HPSE2: variants seen among roughly 807,000 people sequenced by gnomAD.
HPSE2 encodes inactive heparanase-2.
A neutral mutation model predicts 60.5 loss-of-function variants in HPSE2; 38 were observed. The ratio of observed to expected loss-of-function variants is 0.63; its 90% CI spans 0.48 to 0.82. The LOEUF (loss-of-function observed/expected upper bound fraction) is 0.82. Among genes scored for constraint, HPSE2 ranks in the 40% least tolerant of loss-of-function variants. HPSE2 has a pLI of 0.00. For synonymous variants in HPSE2, 295 were observed against 293.2 expected (o/e 1.01, Z -0.06); for missense variants, 713 against 740.4 (o/e 0.96, Z 0.43).
At chr10:98,625,296 T>C (rs189100313) in intron 7 of HPSE2, among the ~76,000 whole-genome samples, 112 of 152,298 alleles carry the variant, frequency 7.4e-4, no homozygotes, top group Non-Finnish European at 1.3e-3. Context: ...TATTACAACA[T>C]GAAAGATCTA....
chr10:99,284,850 A>C, the HPSE2 span, among the ~76,000 whole-genome samples: 2 of 152,226 alleles, frequency 1.3e-5, no homozygotes, highest in Admixed American at 6.5e-5. Flanking sequence ...CTGGATAAAG[A>C]AAATGTGATA....
chr10:98,557,262 G>A (rs1358405958), intron 9 of HPSE2, among the ~76,000 whole-genome samples: 1 of 152,052 alleles, frequency 6.6e-6, no homozygotes, highest in Non-Finnish European at 1.5e-5. Context: ...CGAGGTTTTG[G>A]TGCAAGAATA....
chr10:98,976,334 A>C (rs1337720318), intron 3 of HPSE2, among the ~76,000 whole-genome samples: 1 of 152,188 alleles, frequency 6.6e-6, no homozygotes, highest in East Asian at 1.9e-4. Context: ...TATTGTTCTA[A>C]ATGTTTTACA....
chr10:98,740,091 T>A (rs770393113), intron 4 of HPSE2, among the ~76,000 whole-genome samples: 1 of 152,110 alleles, frequency 6.6e-6, no homozygotes, highest in African/African-American at 2.4e-5. Context: ...TAGGGAAATA[T>A]GTTATATCCA....
chr10:99,081,980 G>T (rs1843160788), intron 3 of HPSE2, among the ~76,000 whole-genome samples: 1 of 152,122 alleles, frequency 6.6e-6, no homozygotes. Context: ...TTTTCAGACA[G>T]CTTTATTGCA....
At chr10:98,883,658 G>A (rs1192865524) in intron 3 of HPSE2, among the ~76,000 whole-genome samples, 3 of 152,024 alleles carry the variant, frequency 2.0e-5, no homozygotes, top group South Asian at 4.2e-4. Context: ...AAATAAATTA[G>A]CCAGGCATAA....
At chr10:98,805,753 ATTG>A (rs1354620122) in intron 3 of HPSE2, among the ~76,000 whole-genome samples, 1 of 152,168 alleles carries the variant, frequency 6.6e-6, no homozygotes, top group Admixed American at 6.5e-5. Flanking sequence ...GCGGAAAGAA[ATTG>A]TTGATCATTT....
chr10:98,922,014 C>A (rs755274948), intron 3 of HPSE2, among the ~76,000 whole-genome samples: 10 of 152,026 alleles, frequency 6.6e-5, no homozygotes, highest in Non-Finnish European at 1.5e-4. Flanking sequence ...GTCACAAATG[C>A]AAGTTACATT....
chr10:98,785,722 T>C (rs1482360941), intron 3 of HPSE2, among the ~76,000 whole-genome samples: 2 of 136,476 alleles, frequency 1.5e-5, no homozygotes, highest in African/African-American at 5.6e-5. Flanking sequence ...TTTTCTAGTT[T>C]ATTTGCATAG....
At chr10:98,993,831 T>C (rs1325151244) in intron 3 of HPSE2, among the ~76,000 whole-genome samples, 1 of 152,196 alleles carries the variant, frequency 6.6e-6, no homozygotes, top group Non-Finnish European at 1.5e-5. Context: ...TTGACCTTTC[T>C]GATTTCATAA....
chr10:99,313,094 C>G, the HPSE2 span, among the ~76,000 whole-genome samples: 1 of 152,174 alleles, frequency 6.6e-6, no homozygotes, highest in Admixed American at 6.5e-5. Flanking sequence ...ATCGTGCTTC[C>G]TGTAAAGCCT....
chr10:98,932,834 A>G (rs1954678665), intron 3 of HPSE2, among the ~76,000 whole-genome samples: 1 of 142,724 alleles, frequency 7.0e-6, no homozygotes, highest in Admixed American at 7.0e-5. Flanking sequence ...CCCCCTTATT[A>G]TTTCTGATTG....
chr10:98,720,519 G>T (rs1160032943), intron 5 of HPSE2, among the ~76,000 whole-genome samples: 1 of 152,004 alleles, frequency 6.6e-6, no homozygotes, highest in Non-Finnish European at 1.5e-5. Context: ...ATACATTGCT[G>T]CCCTGAAACC....
At chr10:99,189,972 G>C (rs1041553862) in intron 2 of HPSE2, among the ~76,000 whole-genome samples, 3 of 152,162 alleles carry the variant, frequency 2.0e-5, no homozygotes, top group African/African-American at 4.8e-5. Context: ...AACCCTCTGC[G>C]AACTAGCCTA....
At position 99,091,086 on chromosome 10, in the gene HPSE2, C is replaced by A. The variant is rs187073958; in HGVS notation, c.610+53152G>T. 2.3e-3 allele frequency among the ~76,000 whole-genome samples: 344 copies of A among 152,232 alleles called. 1 individual carries two copies. Among genetic ancestry groups the A allele is most frequent in the Non-Finnish European group, 2.8e-3 (188 of 67,984 alleles). On this transcript the variant is annotated intron_variant, in intron 3 of 11. Coordinates refer to ENST00000370552, the MANE Select transcript of HPSE2 (RefSeq NM_021828.5). ...AAAACACCAAACAAAAGAGCCATAT[C>A]TTCTTTTGATGCTAACAAGCCTTCA...
At chr10:99,268,620 T>C in the HPSE2 span, among the ~76,000 whole-genome samples, 1 of 147,902 alleles carries the variant, frequency 6.8e-6, no homozygotes, top group African/African-American at 2.5e-5. Flanking sequence ...CACTCCAGCA[T>C]TGGCAACAGA....
chr10:98,527,229 T>C (rs970667926), intron 9 of HPSE2, among the ~76,000 whole-genome samples: 1 of 152,160 alleles, frequency 6.6e-6, no homozygotes, highest in African/African-American at 2.4e-5. Context: ...TATGATCTAC[T>C]CTCCACAGAG....
Position 98,983,364 on chromosome 10 carries a change from G to A in HPSE2, c.610+160874C>T, listed in dbSNP as rs1341720567. On this transcript the variant is annotated intron_variant, in intron 3 of 11. Coordinates refer to ENST00000370552, the MANE Select transcript of HPSE2 (RefSeq NM_021828.5). ...TATGTTTAGTGTACTCCGTAATCTCGTTTTGGTTGCTGTCGCTGCAGAAAA... is the reference window on the plus strand; with the variant it reads ...TATGTTTAGTGTACTCCGTAATCTCATTTTGGTTGCTGTCGCTGCAGAAAA... Among the ~76,000 whole-genome samples the A allele has an allele frequency of 2.6e-5, 4 of 152,218 alleles. No individual in the cohort carries two copies. In the South Asian group the frequency reaches 6.2e-4, roughly 24 times the overall value.
At chr10:99,083,028 T>G (rs569980845) in intron 3 of HPSE2, among the ~76,000 whole-genome samples, 2 of 152,294 alleles carry the variant, frequency 1.3e-5, no homozygotes, top group East Asian at 3.9e-4. Context: ...CCTCTACAAC[T>G]AAAACAAGAT....
Sources: allele counts gnomAD v4.1 joint callset (sites outside exome capture counted in the v4.1 genomes callset), GRCh38; gene constraint gnomAD v4.1.1; transcripts MANE v1.5; gene names NCBI Gene and HGNC (gene_info 2026-07-23, HGNC 2026-07-21).